COA8: variants seen among roughly 807,000 people sequenced by gnomAD.
COA8 encodes the protein UPF0671 protein C14orf153.
In COA8, 20 loss-of-function variants were observed where a neutral mutation model predicts 22.0. That is an observed-to-expected ratio of 0.91 (90% confidence interval 0.64 to 1.32). The LOEUF (loss-of-function observed/expected upper bound fraction) is 1.32. Among genes scored for constraint, COA8 ranks in the 40% most tolerant of loss-of-function variants. The probability of loss-of-function intolerance (pLI) is 0.00; values close to 1 mark genes in which losing one functional copy is unlikely to be tolerated. For synonymous variants in COA8, 105 were observed against 79.9 expected, an observed-to-expected ratio of 1.31 and a Z score of -1.68; for missense variants, 266 against 230.0, an observed-to-expected ratio of 1.16 and a Z score of -1.01.
intron 2 of COA8, among the ~76,000 whole-genome samples, chr14:103,572,614 C>G (rs1350226705): frequency 6.6e-6 from 1 of 151,604 alleles, no homozygotes; most frequent in Non-Finnish European, 1.5e-5. Context: ...CCTGTGATCC[C>G]CATGACTTGG....
intron 1 of COA8, 105 bp from the exon 2 acceptor site, chr14:103,571,516 AAC>A: frequency 1.7e-6 from 2 of 1,160,678 alleles, no homozygotes; most frequent in Non-Finnish European, 2.4e-6. Context: ...CCAGTCTGGC[AAC>A]AGAGCGAGAC....
At position 103,562,970 on chromosome 14, in the gene COA8, C is replaced by G. The variant is rs374070748; in HGVS notation, c.-32C>G. 1,326 of 1,513,624 alleles carry G rather than the reference C, an allele frequency of 8.8e-4. 3 individuals carry two copies. The highest frequency in any genetic ancestry group is 1.5e-3 in the Admixed American group (75 of 48,498). The allele number at this position is 1,513,624 out of a possible 1,614,324, so 93.8% of individuals were successfully genotyped here. A position where few individuals can be genotyped will look rare whatever the true frequency, so the allele number is the denominator to read the frequency against. On this transcript the variant is annotated 5_prime_UTR_variant, in exon 1 of 5. Transcript: ENST00000409074. ...GCCCCTCGCGCCGTCGCAATGCTGC[C>G]GTGCGCCGCGGGAGCCAGGGGGCGT...
At chr14:103,570,868 G>C (rs770745058) in intron 1 of COA8, among the ~76,000 whole-genome samples, 1 of 152,224 alleles carries the variant, frequency 6.6e-6, no homozygotes, top group Non-Finnish European at 1.5e-5. Context: ...GAGGTGGCTA[G>C]GCAATGGGTG....
Position 103,590,805 on chromosome 14 carries a change from C to T in COA8, c.*519C>T, listed in dbSNP as rs2076347167. On this transcript the variant is annotated 3_prime_UTR_variant, in exon 5 of 5. Transcript: ENST00000409074. ...CCCAGGAGGCGGAGGTTGCAGTGATCCAAGATCGCACCACTGCACTCCAGC... is the reference window on the plus strand; with the variant it reads ...CCCAGGAGGCGGAGGTTGCAGTGATTCAAGATCGCACCACTGCACTCCAGC... The T allele has an allele frequency of 6.6e-6, 1 of 152,412 alleles. No individual in the cohort carries two copies. The allele number at this position is 152,412 out of a possible 1,614,324, so 9.4% of individuals were successfully genotyped here.
Sources: allele counts gnomAD v4.1 joint callset (sites outside exome capture counted in the v4.1 genomes callset), GRCh38; gene constraint gnomAD v4.1.1; transcripts MANE v1.5; gene names NCBI Gene and HGNC (gene_info 2026-07-23, HGNC 2026-07-21).